CDCA7L: variants seen among roughly 807,000 people sequenced by gnomAD.
CDCA7L encodes cell division cycle-associated 7-like protein.
In CDCA7L, 44 loss-of-function variants were observed where a neutral mutation model predicts 57.4. The observed-to-expected ratio is 0.77, with a 90% CI of 0.60 to 0.98. CDCA7L has a LOEUF of 0.98. CDCA7L is among the 50% of genes least tolerant of loss of function. The pLI, the probability that CDCA7L is intolerant of heterozygous loss-of-function variation, is 0.00. For missense variants in CDCA7L, 644 were observed against 580.6 expected (o/e 1.11, Z -1.12); for synonymous variants, 236 against 202.8 (o/e 1.16, Z -1.39).
At position 21,901,262 on chromosome 7, in the gene CDCA7L, C is replaced by A. The variant is rs780190219; in HGVS notation, c.*1060G>T. 27 of 1,596,132 alleles carry A rather than the reference C, an allele frequency of 1.7e-5. No homozygotes were observed. In the Admixed American group the frequency reaches 4.4e-4, roughly 26 times the overall value. ...CTGCTTCTAGAAGCGTAAGGTAACA[C>A]TGGCATTCCTCTAGCCTCTGCTGGA... On this transcript the variant is annotated 3_prime_UTR_variant, in exon 10 of 10. Coordinates refer to ENST00000406877, the MANE Select transcript of CDCA7L (RefSeq NM_018719.5).
chr7:21,913,279 T>C (rs931836920), intron 2 of CDCA7L, among the ~76,000 whole-genome samples: 1 of 152,044 alleles, frequency 6.6e-6, no homozygotes, highest in Non-Finnish European at 1.5e-5. Context: ...TGGAGTGAGT[T>C]TGCTCAGAGC....
chr7:21,945,868 C>G lies in CDCA7L; in HGVS notation c.-64G>C, dbSNP rs759955989. ...CCACGGGAGCCCGGACTCACCACGGCCCGGCGCACCAAGAACGCCCCGCGC... is the reference window on the plus strand; with the variant it reads ...CCACGGGAGCCCGGACTCACCACGGGCCGGCGCACCAAGAACGCCCCGCGC... On this transcript the variant is annotated 5_prime_UTR_variant, in exon 1 of 10. Transcript: ENST00000406877. 7 of 1,536,516 alleles carry G rather than the reference C, an allele frequency of 4.6e-6. No homozygotes were observed. The highest frequency in any genetic ancestry group is 5.2e-5 in the East Asian group (2 of 38,816).
chr7:21,904,433 C>T (rs1785064289), intron 7 of CDCA7L, among the ~76,000 whole-genome samples, 174 bp from the exon 8 acceptor site: 1 of 152,190 alleles, frequency 6.6e-6, no homozygotes, highest in Non-Finnish European at 1.5e-5. Context: ...GTCCCCAGCC[C>T]CCAGGCTAGA....
At chr7:21,942,053 T>G (rs1053141181) in intron 1 of CDCA7L, among the ~76,000 whole-genome samples, 5 of 151,338 alleles carry the variant, frequency 3.3e-5, no homozygotes, top group Non-Finnish European at 7.4e-5. Context: ...GCGTGTTTTC[T>G]GTGTCTTTGT....
intron 1 of CDCA7L, among the ~76,000 whole-genome samples, chr7:21,929,342 T>A (rs1423529576): frequency 1.3e-5 from 2 of 152,120 alleles, no homozygotes; most frequent in African/African-American, 4.8e-5. Context: ...TATCAGCTAC[T>A]GCAAAAACAT....
In CDCA7L at chr7:21,911,775, C is replaced by T. The variant is rs778787396; in HGVS notation, c.166-21G>A. On this transcript the variant is annotated intron_variant, in intron 2 of 9. Coordinates refer to ENST00000406877, the MANE Select transcript of CDCA7L (RefSeq NM_018719.5). ...TCCTGCTAAATTAAAGACACACATA[C>T]ATCAGAGACGGAAAGTAGAATAGAG... 14 of 1,606,524 alleles carry T rather than the reference C, an allele frequency of 8.7e-6. No homozygotes were observed. The East Asian group carries it at 2.7e-4, about 31-fold the overall frequency.
Position 21,902,171 on chromosome 7 carries a change from A to ATATAAACAATCTT in CDCA7L, c.*138_*150dup. On this transcript the variant is annotated 3_prime_UTR_variant, in exon 10 of 10. Coordinates refer to ENST00000406877, the MANE Select transcript of CDCA7L (RefSeq NM_018719.5). ...GTCTTCCTGAGAAATCTTTGTAAGC[A>ATATAAACAATCTT]TATAAACAATCTTTAACAAAAAATA... 2.6e-6 allele frequency: 2 copies of ATATAAACAATCTT among 757,244 alleles called. No individual in the cohort carries two copies. The highest frequency in any genetic ancestry group is 1.8e-5 in the African/African-American group (1 of 55,626). 46.9% of individuals were successfully genotyped at this position (757,244 alleles called of 1,614,324 possible). A position where few individuals can be genotyped will look rare whatever the true frequency, so the allele number is the denominator to read the frequency against.
At chr7:21,932,128 A>C (rs1171583403) in intron 1 of CDCA7L, among the ~76,000 whole-genome samples, 2 of 152,194 alleles carry the variant, frequency 1.3e-5, no homozygotes, top group African/African-American at 4.8e-5. Context: ...GAAACTACAA[A>C]CCACTGCTCA....
At chr7:21,908,537 AAG>A (rs758727113) in intron 3 of CDCA7L, 30 bp from the exon 4 acceptor site, 4 of 1,494,754 alleles carry the variant, frequency 2.7e-6, no homozygotes, top group Non-Finnish European at 3.5e-6. Flanking sequence ...AAAAAGCACA[AAG>A]ACACTGTTAC....
At chr7:21,902,627 G>A in intron 9 of CDCA7L, 1 of 533,248 alleles carries the variant, frequency 1.9e-6, no homozygotes, top group Non-Finnish European at 3.3e-6. Context: ...CTCTTGCCCT[G>A]AACTCTCTCT....
chr7:21,941,096 C>T (rs1192619684), intron 1 of CDCA7L, among the ~76,000 whole-genome samples: 1 of 152,130 alleles, frequency 6.6e-6, no homozygotes, highest in African/African-American at 2.4e-5. Context: ...CAGGCACATT[C>T]CCTTTATGAG....
chr7:21,904,388 T>C (rs1785062849), intron 7 of CDCA7L, 129 bp from the exon 8 acceptor site: 2 of 967,526 alleles, frequency 2.1e-6, no homozygotes, highest in Non-Finnish European at 1.5e-6. Context: ...GCAGGACTGT[T>C]TTCCTAAGAA....
intron 1 of CDCA7L, among the ~76,000 whole-genome samples, chr7:21,936,406 G>A (rs1416720391): frequency 6.6e-6 from 1 of 152,232 alleles, no homozygotes; most frequent in South Asian, 2.1e-4. Context: ...TACGAATACT[G>A]ATACAAGAAT....
intron 1 of CDCA7L, among the ~76,000 whole-genome samples, chr7:21,933,851 G>A (rs906879082): frequency 2.0e-5 from 3 of 151,672 alleles, no homozygotes; most frequent in Non-Finnish European, 2.9e-5. Context: ...AACCTTAAAG[G>A]TCAGAAAGCA....
chr7:21,911,553 A>G, intron 3 of CDCA7L, 64 bp downstream of exon 3: 1 of 1,532,056 alleles, frequency 6.5e-7, no homozygotes, highest in Admixed American at 2.2e-5. Context: ...CTTACAAGTA[A>G]AACTCTTTCA....
At chr7:21,904,045 G>C (rs1785045728) in intron 8 of CDCA7L, 65 bp downstream of exon 8, 1 of 1,449,204 alleles carries the variant, frequency 6.9e-7, no homozygotes, top group Non-Finnish European at 9.2e-7. Flanking sequence ...AACCCAGGAG[G>C]CCCATCTTTA....
intron 3 of CDCA7L, 38 bp from the exon 4 acceptor site, chr7:21,908,545 GT>G: frequency 7.0e-7 from 1 of 1,423,554 alleles, no homozygotes; most frequent in South Asian, 1.8e-5. Context: ...CAAAGACACT[GT>G]TACAGACCCA....
intron 2 of CDCA7L, among the ~76,000 whole-genome samples, chr7:21,913,821 T>C (rs116392580): frequency 2.0e-4 from 30 of 152,300 alleles, no homozygotes; most frequent in African/African-American, 6.5e-4. Context: ...TCAGTCCTGA[T>C]AGAGAAAAAC....
At chr7:21,914,906 G>A (rs1785433242) in intron 2 of CDCA7L, among the ~76,000 whole-genome samples, 1 of 152,192 alleles carries the variant, frequency 6.6e-6, no homozygotes, top group Non-Finnish European at 1.5e-5. Flanking sequence ...CAGCTGTTCT[G>A]TTTCTTAATG....
Sources: gnomAD v4.1 joint callset for allele counts (sites outside exome capture counted in the v4.1 genomes callset) on GRCh38, gnomAD v4.1.1 for gene constraint, MANE v1.5 for transcripts, NCBI Gene and HGNC (gene_info 2026-07-23, HGNC 2026-07-21) for gene names.